The following ITGA9 variants were observed in gnomAD, a reference collection of about 807,000 sequenced individuals.
ITGA9 encodes the protein integrin alpha-9.
A neutral mutation model predicts 127.8 loss-of-function variants in ITGA9; 56 were observed. The observed-to-expected ratio is 0.44, with a 90% CI of 0.35 to 0.55. The LOEUF is 0.55. Ranked by LOEUF, ITGA9 falls within the 20% of genes least tolerant of loss-of-function variation. ITGA9 has a pLI of 0.00. For synonymous variants in ITGA9, 508 were observed against 514.5 expected (o/e 0.99, Z 0.17); for missense variants, 1,196 against 1,347.1 (o/e 0.89, Z 1.76).
At chr3:37,598,123 TG>T (rs1699885584) in intron 15 of ITGA9, among the ~76,000 whole-genome samples, 1 of 152,216 alleles carries the variant, frequency 6.6e-6, no homozygotes, top group Non-Finnish European at 1.5e-5. Flanking sequence ...TTTATCTCAC[TG>T]GGTAGTCAGG....
intron 18 of ITGA9, among the ~76,000 whole-genome samples, chr3:37,707,829 T>C (rs1375204671): frequency 1.3e-5 from 2 of 152,190 alleles, no homozygotes; most frequent in Non-Finnish European, 2.9e-5. Flanking sequence ...TGTGGCTTCT[T>C]AGAAAGTGGT....
intron 15 of ITGA9, among the ~76,000 whole-genome samples, chr3:37,553,143 ATCTATTCG>A (rs1212794160): frequency 6.6e-6 from 1 of 152,136 alleles, no homozygotes; most frequent in Non-Finnish European, 1.5e-5. Flanking sequence ...GTAATTTTCT[ATCTATTCG>A]TACTTCTTAC....
intron 17 of ITGA9, among the ~76,000 whole-genome samples, chr3:37,675,658 T>C (rs994628109): frequency 1.3e-5 from 2 of 152,206 alleles, no homozygotes; most frequent in African/African-American, 4.8e-5. Context: ...TTACGCTTTT[T>C]TTTTCAGCAT....
intron 18 of ITGA9, among the ~76,000 whole-genome samples, chr3:37,725,291 C>G (rs928481992): frequency 1.3e-5 from 2 of 152,196 alleles, no homozygotes; most frequent in African/African-American, 4.8e-5. Flanking sequence ...ATGAGTAACC[C>G]TCAGCCAAGA....
At chr3:37,500,056 G>T (rs774086944) in intron 5 of ITGA9, among the ~76,000 whole-genome samples, 17 of 152,228 alleles carry the variant, frequency 1.1e-4, no homozygotes, top group African/African-American at 3.4e-4. Context: ...GGCTGAGGAG[G>T]TTGCTCATTA....
chr3:37,542,503 G>T lies in ITGA9; in HGVS notation c.1607G>T (p.Gly536Val). ...QMPRVYFVLL[G>V]ETMGQVTEKL... is the part of the protein sequence containing the mutation. Reference sequence around the variant, plus strand: ...CCCAGGGTCTACTTTGTGCTGCTGGGAGAGACCATGGGTCAGGTCACAGAG... The same window carrying T: ...CCCAGGGTCTACTTTGTGCTGCTGGTAGAGACCATGGGTCAGGTCACAGAG... The change falls in exon 15 of 28, where the codon GGA becomes GTA. Residue 536 changes from glycine to valine, a missense_variant. Gly to Val is a moderately radical substitution (Grantham distance 109, BLOSUM62 -3). Coordinates refer to ENST00000264741, the MANE Select transcript of ITGA9 (RefSeq NM_002207.3). 6.2e-7 allele frequency: 1 copy of T among 1,614,116 alleles called. No homozygotes were observed. The highest frequency in any genetic ancestry group is 2.2e-5 in the East Asian group (1 of 44,874).
At chr3:37,517,395 G>A in intron 9 of ITGA9, 109 bp from the exon 10 acceptor site, 2 of 841,968 alleles carry the variant, frequency 2.4e-6, no homozygotes, top group Non-Finnish European at 1.9e-6. Context: ...CTGTCAATGA[G>A]TGTGCTCTAG....
chr3:37,601,706 A>G (rs1699924157), intron 15 of ITGA9, among the ~76,000 whole-genome samples: 1 of 152,222 alleles, frequency 6.6e-6, no homozygotes, highest in South Asian at 2.1e-4. Context: ...CACCATCAGC[A>G]TGGGCTTTAA....
At chr3:37,611,432 G>C (rs188272589) in intron 15 of ITGA9, among the ~76,000 whole-genome samples, 9 of 152,248 alleles carry the variant, frequency 5.9e-5, no homozygotes, top group Admixed American at 5.9e-4. Context: ...CCAATATGGT[G>C]GCCATTAGTG....
intron 15 of ITGA9, among the ~76,000 whole-genome samples, chr3:37,543,530 G>C (rs1699296825): frequency 6.6e-6 from 1 of 152,178 alleles, no homozygotes; most frequent in Middle Eastern, 3.2e-3. Flanking sequence ...CTGATAAATA[G>C]AAAGCAACCA....
At chr3:37,471,232 A>G (rs1698428078) in intron 2 of ITGA9, 98 bp downstream of exon 2, 12 of 1,346,138 alleles carry the variant, frequency 8.9e-6, no homozygotes, top group Non-Finnish European at 1.3e-5. Context: ...TCACCCATCC[A>G]TCCTTCCCTC....
chr3:37,724,746 C>A (rs894238537), intron 18 of ITGA9, among the ~76,000 whole-genome samples: 2 of 152,192 alleles, frequency 1.3e-5, no homozygotes, highest in African/African-American at 4.8e-5. Flanking sequence ...GATCCACCCA[C>A]CTCAGCCTCC....
At position 37,820,443 on chromosome 3, in the gene ITGA9, T is replaced by C. The variant is rs1042251791; in HGVS notation, c.*1454T>C. The C allele has an allele frequency of 2.6e-5, 4 of 152,440 alleles. No homozygotes were observed. The highest frequency in any genetic ancestry group is 1.3e-4 in the Admixed American group (2 of 15,270). 9.4% of individuals were successfully genotyped at this position (152,440 alleles called of 1,614,324 possible). ...CAGGGAAATGATGCAAAAGAAATGA[T>C]GCAAAGGATCTGAGCAGAACACTGC... On this transcript the variant is annotated 3_prime_UTR_variant, in exon 28 of 28. Transcript: ENST00000264741.
chr3:37,513,939 G>T (rs753394477), intron 9 of ITGA9, 39 bp downstream of exon 9: 1 of 1,611,556 alleles, frequency 6.2e-7, no homozygotes, highest in Non-Finnish European at 8.5e-7. Flanking sequence ...TGGGTGTGGG[G>T]GAGGGACATT....
chr3:37,649,111 C>T (rs1444874556), intron 16 of ITGA9, among the ~76,000 whole-genome samples: 4 of 121,678 alleles, frequency 3.3e-5, no homozygotes, highest in South Asian at 2.7e-4. Context: ...CAAAACCTAT[C>T]GATACAAAAA....
intron 16 of ITGA9, among the ~76,000 whole-genome samples, chr3:37,633,639 A>G (rs1559554357): frequency 1.3e-5 from 2 of 152,236 alleles, no homozygotes; most frequent in African/African-American, 4.8e-5. Flanking sequence ...TTATGGGGCT[A>G]CTAGTGTAAC....
intron 18 of ITGA9, among the ~76,000 whole-genome samples, chr3:37,707,314 C>G (rs1701017853): frequency 6.6e-6 from 1 of 152,154 alleles, no homozygotes; most frequent in Non-Finnish European, 1.5e-5. Context: ...TCAACAAGTT[C>G]TTTTCTGTTT....
intron 15 of ITGA9, among the ~76,000 whole-genome samples, chr3:37,616,827 C>T (rs1700079500): frequency 6.6e-6 from 1 of 152,218 alleles, no homozygotes; most frequent in South Asian, 2.1e-4. Context: ...GTAGATCTTC[C>T]TCCATCCCTT....
At chr3:37,474,425 G>A (rs197769) in intron 3 of ITGA9, among the ~76,000 whole-genome samples, 77,475 of 152,084 alleles carry the variant, frequency 0.51, 20,166 homozygotes, top group Middle Eastern at 0.55. Flanking sequence ...GACTCAACAC[G>A]AAAGGAATTT....
Sources: allele counts gnomAD v4.1 joint callset (sites outside exome capture counted in the v4.1 genomes callset), GRCh38; gene constraint gnomAD v4.1.1; transcripts MANE v1.5; gene names NCBI Gene and HGNC (gene_info 2026-07-23, HGNC 2026-07-21).